The following UHRF2 variants were observed in gnomAD, a reference collection of about 807,000 sequenced individuals.
UHRF2 encodes ubiquitin like with PHD and ring finger domains 2, also known as E3 ubiquitin-protein ligase UHRF2.
Under a neutral mutation model 96.8 loss-of-function variants are expected in UHRF2, and 23 were observed. The ratio of observed to expected loss-of-function variants is 0.24; its 90% CI spans 0.17 to 0.34. The LOEUF is 0.34. UHRF2 is among the 10% of genes least tolerant of loss of function. UHRF2 has a pLI of 1.00. For missense variants in UHRF2, 685 were observed against 981.5 expected, an observed-to-expected ratio of 0.70 and a Z score of 4.04; for synonymous variants, 385 against 332.6, an observed-to-expected ratio of 1.16 and a Z score of -1.72.
intron 8 of UHRF2, among the ~76,000 whole-genome samples, chr9:6,485,608 AC>A (rs1021915629): frequency 1.1e-5 from 1 of 94,578 alleles, no homozygotes; most frequent in African/African-American, 4.1e-5. Context: ...GTGCCTTTCC[AC>A]CCCCGCCCCC....
chr9:6,434,471 C>G lies in UHRF2; in HGVS notation c.644+298C>G, dbSNP rs866909459. 8.3e-5 allele frequency: 20 copies of G among 239,788 alleles called. No individual in the cohort carries two copies. The Middle Eastern group carries it at 4.4e-3, about 53-fold the overall frequency. The allele number at this position is 239,788 out of a possible 1,614,324, so 14.9% of individuals were successfully genotyped here. A position where few individuals can be genotyped will look rare whatever the true frequency, so the allele number is the denominator to read the frequency against. ...GGGCTTTTTTTGAGATGGTCTCTCT[C>G]TGTCGCCCAAGTTGGAGTGCTGAAT... On this transcript the variant is annotated intron_variant, in intron 3 of 15. Coordinates refer to ENST00000276893, the MANE Select transcript of UHRF2 (RefSeq NM_152896.3).
chr9:6,476,663 C>T (rs1823592500), intron 5 of UHRF2, among the ~76,000 whole-genome samples: 1 of 152,004 alleles, frequency 6.6e-6, no homozygotes, highest in African/African-American at 2.4e-5. Context: ...GGCGCAATCT[C>T]GGCTCACTGC....
At chr9:6,502,913 C>T (rs1190204241) in intron 14 of UHRF2, among the ~76,000 whole-genome samples, 1 of 152,124 alleles carries the variant, frequency 6.6e-6, no homozygotes, top group Non-Finnish European at 1.5e-5. Context: ...TTTAATGATC[C>T]ATGTTCATAA....
intron 3 of UHRF2, among the ~76,000 whole-genome samples, chr9:6,454,756 T>C (rs1428898454): frequency 1.3e-5 from 2 of 152,220 alleles, no homozygotes; most frequent in Non-Finnish European, 2.9e-5. Context: ...TCAAGATTTC[T>C]TCCCTTAGTT....
chr9:6,491,303 G>GCCA (rs2130942901), intron 9 of UHRF2, among the ~76,000 whole-genome samples: 1 of 152,274 alleles, frequency 6.6e-6, no homozygotes, highest in African/African-American at 2.4e-5. Flanking sequence ...CTGAACCTCT[G>GCCA]CCACATCTGT....
At chr9:6,487,685 A>G (rs554732215) in intron 9 of UHRF2, among the ~76,000 whole-genome samples, 1 of 152,224 alleles carries the variant, frequency 6.6e-6, no homozygotes, top group East Asian at 1.9e-4. Flanking sequence ...TATTTTTAGT[A>G]GAGCTGGGGT....
At chr9:6,500,063 C>A in intron 13 of UHRF2, 132 bp downstream of exon 13, 1 of 666,100 alleles carries the variant, frequency 1.5e-6, no homozygotes, top group South Asian at 1.9e-5. Context: ...GCCTTGACCT[C>A]CTGGGCTCAA....
intron 6 of UHRF2, among the ~76,000 whole-genome samples, chr9:6,478,372 C>G (rs1292951027): frequency 6.6e-6 from 1 of 152,166 alleles, no homozygotes; most frequent in Non-Finnish European, 1.5e-5. Context: ...GGTCCTCTAC[C>G]CCTAACCATG....
At chr9:6,469,434 C>A (rs962359353) in intron 4 of UHRF2, among the ~76,000 whole-genome samples, 2 of 151,982 alleles carry the variant, frequency 1.3e-5, no homozygotes, top group African/African-American at 4.8e-5. Flanking sequence ...AGGAGAATCA[C>A]CTGAACCTGG....
chr9:6,474,941 T>C (rs1823474298), intron 4 of UHRF2, among the ~76,000 whole-genome samples: 2 of 152,106 alleles, frequency 1.3e-5, no homozygotes, highest in Admixed American at 1.3e-4. Context: ...TCCCATATAA[T>C]TACATTTTCA....
At chr9:6,450,926 T>A (rs998622160) in intron 3 of UHRF2, among the ~76,000 whole-genome samples, 10 of 152,208 alleles carry the variant, frequency 6.6e-5, no homozygotes, top group Non-Finnish European at 1.5e-4. Flanking sequence ...TGTTTGGTCA[T>A]GTTTCTAGGT....
intron 4 of UHRF2, among the ~76,000 whole-genome samples, chr9:6,467,568 C>T (rs1187575859): frequency 1.4e-5 from 2 of 140,822 alleles, no homozygotes; most frequent in African/African-American, 5.4e-5. Context: ...ATTTTCAGTA[C>T]GGTATTTCAT....
At chr9:6,448,241 A>G (rs1434724867) in intron 3 of UHRF2, among the ~76,000 whole-genome samples, 1 of 152,254 alleles carries the variant, frequency 6.6e-6, no homozygotes, top group African/African-American at 2.4e-5. Context: ...AATTAATGAT[A>G]GGTACATAGT....
rs547061835 is a variant in UHRF2, at chr9:6,489,281, G to A, written c.1497+2356G>A. Among the ~76,000 whole-genome samples, 17 of 152,280 alleles carry A rather than the reference G, an allele frequency of 1.1e-4. No individual in the cohort carries two copies. The South Asian group carries it at 2.9e-3, about 26-fold the overall frequency. On this transcript the variant is annotated intron_variant, in intron 9 of 15. Transcript: ENST00000276893. The stretch of plus-strand genomic sequence containing the variant: ...ATTGATGAGTACTAGTCCATGGTGT[G>A]GATGTACCACAGTTCATTTAATCAT...
chr9:6,415,847 AAATGAATGTTGATAGAT>A (rs1819565407), intron 1 of UHRF2, among the ~76,000 whole-genome samples: 1 of 152,202 alleles, frequency 6.6e-6, no homozygotes. Flanking sequence ...AGAGTTTAGA[AAATGAATGTTGATAGAT>A]AGTCTCCCAC....
intron 14 of UHRF2, among the ~76,000 whole-genome samples, chr9:6,503,075 A>C (rs749606036): frequency 3.9e-5 from 6 of 152,004 alleles, no homozygotes; most frequent in African/African-American, 7.3e-5. Flanking sequence ...GCTCACTGCA[A>C]CCTCCACCTC....
intron 2 of UHRF2, among the ~76,000 whole-genome samples, chr9:6,423,679 C>G (rs1358299342): frequency 6.7e-6 from 1 of 149,338 alleles, no homozygotes; most frequent in East Asian, 2.0e-4. Context: ...GGCGTGGTGG[C>G]TCACACCTGT....
At chr9:6,486,706 C>G (rs891382250) in intron 8 of UHRF2, 115 bp from the exon 9 acceptor site, 4 of 913,234 alleles carry the variant, frequency 4.4e-6, no homozygotes, top group Admixed American at 5.2e-5. Context: ...AAAGATAGAA[C>G]TCTGTGAGAC....
intron 3 of UHRF2, among the ~76,000 whole-genome samples, chr9:6,440,497 A>G (rs1821097354): frequency 6.6e-6 from 1 of 152,202 alleles, no homozygotes; most frequent in African/African-American, 2.4e-5. Flanking sequence ...GATAATAGCC[A>G]ACTTTTCTAT....
Sources: allele counts gnomAD v4.1 joint callset (sites outside exome capture counted in the v4.1 genomes callset), GRCh38; gene constraint gnomAD v4.1.1; transcripts MANE v1.5; gene names NCBI Gene and HGNC (gene_info 2026-07-23, HGNC 2026-07-21).